Variants in MAF observed in about 807,000 individuals in gnomAD.
MAF encodes the protein transcription factor Maf.
In MAF, 10 loss-of-function variants were observed where a neutral mutation model predicts 22.0. That is an observed-to-expected ratio of 0.45 (90% CI 0.28 to 0.77). The LOEUF is 0.77. Ranked by LOEUF, MAF falls within the 30% of genes least tolerant of loss-of-function variation. The pLI is 0.12. For missense variants in MAF, 544 were observed against 548.4 expected (o/e 0.99, Z 0.08); for synonymous variants, 337 against 255.8 (o/e 1.32, Z -3.03).
chr16:79,485,981 G>C, the MAF span, among the ~76,000 whole-genome samples: 2 of 152,220 alleles, frequency 1.3e-5, no homozygotes, highest in African/African-American at 4.8e-5. Flanking sequence ...AAAAAATCTG[G>C]ACCACTGTGG....
At chr16:79,306,395 T>C in the MAF span, among the ~76,000 whole-genome samples, 23 of 152,098 alleles carry the variant, frequency 1.5e-4, 1 homozygote, top group African/African-American at 4.1e-4. Context: ...ATGTATGGAG[T>C]GCCTACAATA....
chr16:79,512,456 G>C, the MAF span, among the ~76,000 whole-genome samples: 1 of 152,146 alleles, frequency 6.6e-6, no homozygotes, highest in Non-Finnish European at 1.5e-5. Context: ...ATTCCATGGA[G>C]CAGATGTGAT....
the MAF span, among the ~76,000 whole-genome samples, chr16:79,439,327 T>C: frequency 6.8e-6 from 1 of 147,104 alleles, no homozygotes; most frequent in Non-Finnish European, 1.5e-5. Context: ...AGTGGCTCAA[T>C]CTTGGCTCAC....
At chr16:79,368,706 A>G in the MAF span, among the ~76,000 whole-genome samples, 2 of 152,108 alleles carry the variant, frequency 1.3e-5, no homozygotes, top group African/African-American at 4.8e-5. Context: ...TGGCTAGTGT[A>G]TATTTCTGGA....
At chr16:79,240,845 A>G in the MAF span, among the ~76,000 whole-genome samples, 5 of 152,044 alleles carry the variant, frequency 3.3e-5, no homozygotes, top group African/African-American at 1.2e-4. Flanking sequence ...TTCCAGAGGA[A>G]GAAACAGGCA....
the MAF span, chr16:79,206,149 C>T: frequency 1.3e-5 from 2 of 152,302 alleles, no homozygotes; most frequent in African/African-American, 4.8e-5. Context: ...CTCCTTTTAA[C>T]ATTTCTCGGG....
the MAF span, among the ~76,000 whole-genome samples, chr16:79,232,511 C>G: frequency 6.6e-6 from 1 of 151,982 alleles, no homozygotes; most frequent in African/African-American, 2.4e-5. Flanking sequence ...ATATCCCAGC[C>G]TAGATCATGA....
the MAF span, among the ~76,000 whole-genome samples, chr16:79,253,864 G>A: frequency 6.6e-6 from 1 of 151,982 alleles, no homozygotes; most frequent in Non-Finnish European, 1.5e-5. Context: ...AAGAATCCTA[G>A]GGGTTCTTTT....
chr16:79,409,289 A>T, the MAF span, among the ~76,000 whole-genome samples: 128 of 152,342 alleles, frequency 8.4e-4, no homozygotes, highest in African/African-American at 2.9e-3. Flanking sequence ...AGCGATCCAA[A>T]CGTTGGCATG....
At chr16:79,555,583 C>A in the MAF span, among the ~76,000 whole-genome samples, 16 of 152,156 alleles carry the variant, frequency 1.1e-4, no homozygotes, top group Non-Finnish European at 2.2e-4. Context: ...GGTCGGGTAT[C>A]CCTAATCCAA....
the MAF span, among the ~76,000 whole-genome samples, chr16:79,415,145 C>T: frequency 5.9e-5 from 9 of 152,122 alleles, no homozygotes; most frequent in African/African-American, 1.7e-4. Flanking sequence ...TCCTCAACCA[C>T]GGATGAGCTC....
At chr16:79,273,405 C>G in the MAF span, among the ~76,000 whole-genome samples, 1 of 152,224 alleles carries the variant, frequency 6.6e-6, no homozygotes, top group Non-Finnish European at 1.5e-5. Flanking sequence ...AGTGAAACGT[C>G]CATTTGCTGC....
the MAF span, among the ~76,000 whole-genome samples, chr16:79,512,041 T>C: frequency 6.6e-6 from 1 of 152,236 alleles, no homozygotes; most frequent in Non-Finnish European, 1.5e-5. Flanking sequence ...TCTTCTCCAA[T>C]ATTCCTTGTT....
the MAF span, among the ~76,000 whole-genome samples, chr16:79,279,574 C>T: frequency 1.3e-5 from 2 of 152,090 alleles, no homozygotes; most frequent in African/African-American, 4.8e-5. Flanking sequence ...GATGACGAAG[C>T]TGGAGAGAGG....
the MAF span, among the ~76,000 whole-genome samples, chr16:79,426,067 A>G: frequency 0.65 from 98,590 of 151,994 alleles, 32,673 homozygotes; most frequent in East Asian, 0.92. Context: ...TTAGCTGGGC[A>G]TGGTGGCACA....
the MAF span, among the ~76,000 whole-genome samples, chr16:79,215,082 C>T: frequency 2.0e-5 from 3 of 152,126 alleles, no homozygotes; most frequent in Non-Finnish European, 2.9e-5. Context: ...GATGAAAAAG[C>T]TGAGGCCAAG....
the MAF span, among the ~76,000 whole-genome samples, chr16:79,376,976 A>G: frequency 2.0e-5 from 3 of 152,336 alleles, no homozygotes; most frequent in South Asian, 4.1e-4. Flanking sequence ...TAGTGCCACA[A>G]TAAACATACG....
the MAF span, among the ~76,000 whole-genome samples, chr16:79,559,100 C>A: frequency 6.6e-6 from 1 of 152,100 alleles, no homozygotes; most frequent in Non-Finnish European, 1.5e-5. Context: ...TACAGTACAG[C>A]TTGTTGTACA....
the MAF span, among the ~76,000 whole-genome samples, chr16:79,390,244 G>T: frequency 6.6e-6 from 1 of 151,872 alleles, no homozygotes; most frequent in Non-Finnish European, 1.5e-5. Context: ...TCTCTCCCCA[G>T]TTACCCCAAC....
Sources: allele counts gnomAD v4.1 joint callset (sites outside exome capture counted in the v4.1 genomes callset), GRCh38; gene constraint gnomAD v4.1.1; transcripts MANE v1.5; gene names NCBI Gene and HGNC (gene_info 2026-07-23, HGNC 2026-07-21).